CCNT2: variants seen among roughly 807,000 people sequenced by gnomAD.
The protein encoded by CCNT2 is cyclin-T2.
CCNT2 carries 18 observed loss-of-function variants against 70.0 expected under a neutral mutation model. That is an observed-to-expected ratio of 0.26 (90% CI 0.18 to 0.38). The LOEUF (loss-of-function observed/expected upper bound fraction) is 0.38, where lower values mean the gene tolerates loss of function less well. Among genes scored for constraint, CCNT2 ranks in the 10% least tolerant of loss-of-function variants. The pLI is 1.00. For synonymous variants in CCNT2, 334 were observed against 313.3 expected, an observed-to-expected ratio of 1.07 and a Z score of -0.70; for missense variants, 734 against 890.2, an observed-to-expected ratio of 0.82 and a Z score of 2.23.
intron 1 of CCNT2, among the ~76,000 whole-genome samples, 153 bp downstream of exon 1, chr2:134,919,165 G>C (rs1679643469): frequency 1.3e-5 from 2 of 152,238 alleles, no homozygotes. Flanking sequence ...GCAGTCGCGA[G>C]GGGTCAGCAG....
chr2:134,944,571 T>C (rs1681809919), intron 5 of CCNT2: 1 of 973,012 alleles, frequency 1.0e-6, no homozygotes, highest in Admixed American at 6.2e-5. Flanking sequence ...AACTACAAAT[T>C]TGATATGTCA....
chr2:134,944,872 A>T (rs1681837549), intron 5 of CCNT2: 2 of 985,118 alleles, frequency 2.0e-6, no homozygotes, highest in Non-Finnish European at 2.4e-6. Context: ...GAAAACTGCT[A>T]ATGGCATTTT....
intron 7 of CCNT2, among the ~76,000 whole-genome samples, chr2:134,950,083 C>T (rs1682351043): frequency 6.6e-6 from 1 of 152,218 alleles, no homozygotes; most frequent in African/African-American, 2.4e-5. Context: ...TGAACCACCA[C>T]ACCCAGCCAG....
At chr2:134,940,391 T>C (rs1305078600) in intron 4 of CCNT2, among the ~76,000 whole-genome samples, 1 of 151,946 alleles carries the variant, frequency 6.6e-6, no homozygotes, top group East Asian at 1.9e-4. Context: ...ATAAACTATA[T>C]ATAGATATTA....
rs374605031 is a variant in CCNT2, at chr2:134,954,232, G to A, written c.1777G>A (p.Gly593Arg). The A allele has an allele frequency of 2.0e-5, 32 of 1,613,982 alleles. 1 individual carries two copies. The highest frequency in any genetic ancestry group is 1.6e-4 in the Middle Eastern group (1 of 6,084). Residue 593 changes from glycine to arginine, a missense_variant, in exon 9 of 9, where the codon GGA becomes AGA. Coordinates refer to ENST00000264157, the MANE Select transcript of CCNT2 (RefSeq NM_058241.3). Reference protein sequence around the residue: ...SSGGSKHSADGIPPTVLRSPV... With the variant: ...SSGGSKHSADRIPPTVLRSPV... ...CGGTGGCAGTAAACACAGTGCCGAC[G>A]GAATACCACCCACTGTTCTGAGGAG...
intron 7 of CCNT2, among the ~76,000 whole-genome samples, chr2:134,952,291 A>G (rs1413087473): frequency 6.6e-6 from 1 of 152,266 alleles, no homozygotes; most frequent in Middle Eastern, 3.4e-3. Flanking sequence ...TTTGTCCACT[A>G]ATTTTAAAGA....
At chr2:134,925,349 T>C (rs949693388) in intron 2 of CCNT2, among the ~76,000 whole-genome samples, 1 of 152,216 alleles carries the variant, frequency 6.6e-6, no homozygotes, top group Non-Finnish European at 1.5e-5. Flanking sequence ...TTTCACCCAT[T>C]GAAAGTATGA....
Position 134,919,923 on chromosome 2 carries a change from C to G in CCNT2, c.240+32C>G, listed in dbSNP as rs1260466794. The G allele has an allele frequency of 2.8e-6, 4 of 1,453,602 alleles. No homozygotes were observed. In the South Asian group the frequency reaches 4.7e-5, roughly 17 times the overall value. The allele number at this position is 1,453,602 out of a possible 1,614,324, so 90.0% of individuals were successfully genotyped here. On this transcript the variant is annotated intron_variant, in intron 2 of 8. Coordinates refer to ENST00000264157, the MANE Select transcript of CCNT2 (RefSeq NM_058241.3). ...ACTAGTTGTCTGTTTTTACTGTCCG[C>G]AAATTTGAGGGTAAATCGATACGCA...
chr2:134,945,667 A>T (rs1681902891), intron 5 of CCNT2: 4 of 1,229,554 alleles, frequency 3.3e-6, no homozygotes, highest in Admixed American at 6.7e-5. Flanking sequence ...TTTGTTTTTG[A>T]TGGAAGTATT....
intron 5 of CCNT2, chr2:134,945,888 G>C: frequency 6.6e-7 from 1 of 1,515,410 alleles, no homozygotes; most frequent in Non-Finnish European, 8.8e-7. Context: ...TTGTTTCTCA[G>C]ATCTTTGGGG....
intron 4 of CCNT2, among the ~76,000 whole-genome samples, chr2:134,941,856 T>C (rs886095544): frequency 6.6e-6 from 1 of 152,170 alleles, no homozygotes; most frequent in Non-Finnish European, 1.5e-5. Flanking sequence ...TTTAAAGTAT[T>C]CTGCATATTT....
At position 134,954,359 on chromosome 2, in the gene CCNT2, G is replaced by A; in HGVS notation, c.1904G>A (p.Ser635Asn). The A allele has an allele frequency of 6.2e-7, 1 of 1,614,140 alleles. No individual in the cohort carries two copies. Among genetic ancestry groups the A allele is most frequent in the Admixed American group, 1.7e-5 (1 of 60,012 alleles). The part of the protein sequence containing the change: ...DASHNHHSKM[S>N]KSSKSSGSSS... ...TCTCACAACCACCACTCCAAAATGAGCAAAAGTTCCAAAAGTTCAGGTAGT... is the reference window on the plus strand; with the variant it reads ...TCTCACAACCACCACTCCAAAATGAACAAAAGTTCCAAAAGTTCAGGTAGT... Residue 635 changes from serine (S) to asparagine (N), a missense_variant, in exon 9 of 9, where the codon AGC becomes AAC. Physicochemically the swap from Ser to Asn is conservative, Grantham distance 46. Transcript: ENST00000264157.
intron 6 of CCNT2, 139 bp downstream of exon 6, chr2:134,946,285 T>C: frequency 7.9e-7 from 1 of 1,266,930 alleles, no homozygotes; most frequent in Non-Finnish European, 1.1e-6. Flanking sequence ...TCCTGTTTGC[T>C]TTGCGGTGTA....
At chr2:134,919,723 G>A in intron 1 of CCNT2, 87 bp from the exon 2 acceptor site, 2 of 1,059,948 alleles carry the variant, frequency 1.9e-6, no homozygotes, top group Non-Finnish European at 2.8e-6. Context: ...GGGAGGTATT[G>A]GAAAAGAACC....
In CCNT2 at chr2:134,954,093, A is replaced by C; in HGVS notation, c.1638A>C (p.Lys546Asn). ...CTGATGAAGGCAGTGGGAAGAGCAA[A>C]CATTCAAGCCCACATATTAGCAGAG... ...SSSDEGSGKSKHSSPHISRDH... is the reference protein window; with the variant it reads ...SSSDEGSGKSNHSSPHISRDH... Residue 546 changes from lysine (K) to asparagine (N), a missense_variant, in exon 9 of 9, where the codon AAA (lysine) becomes AAC (asparagine). By Grantham distance (94) the Lys-to-Asn change is moderately conservative (BLOSUM62 0). This residue lies in a region of CCNT2 where 532 missense variants were observed against 556.9 expected (regional missense o/e 0.96). Coordinates refer to ENST00000264157, the MANE Select transcript of CCNT2 (RefSeq NM_058241.3). 1 of 1,614,120 alleles carries C rather than the reference A, an allele frequency of 6.2e-7. No homozygotes were observed. The highest frequency in any genetic ancestry group is 8.5e-7 in the Non-Finnish European group (1 of 1,180,034).
At position 134,953,374 on chromosome 2, in the gene CCNT2, T is replaced by C. The variant is rs572470846; in HGVS notation, c.919T>C (p.Ser307Pro). The change falls in exon 9 of 9, where the codon TCA (serine) becomes CCA (proline). Residue 307 changes from serine (S) to proline (P), a missense_variant. Physicochemically the swap from Ser to Pro is moderately conservative, Grantham distance 74. Coordinates refer to ENST00000264157, the MANE Select transcript of CCNT2 (RefSeq NM_058241.3). ...CCCAAGTTTTCAGAAACCATCTACA[T>C]CAGCATTCCCTGCGCCAGTACCTCT... ...TNPSFQKPST[S>P]AFPAPVPLNS... The C allele has an allele frequency of 6.2e-7, 1 of 1,602,254 alleles. No homozygotes were observed. The highest frequency in any genetic ancestry group is 2.3e-5 in the East Asian group (1 of 44,050).
At chr2:134,939,957 G>A (rs1465602090) in intron 4 of CCNT2, among the ~76,000 whole-genome samples, 2 of 152,182 alleles carry the variant, frequency 1.3e-5, no homozygotes, top group Admixed American at 6.5e-5. Context: ...CTAGGATGTG[G>A]TAGGAAGAAC....
chr2:134,944,945 G>A (rs1681843517), intron 5 of CCNT2: 1 of 985,216 alleles, frequency 1.0e-6, no homozygotes. Flanking sequence ...AAATAAATTT[G>A]ATTTCTGTGA....
At chr2:134,947,705 G>C in intron 6 of CCNT2, 31 bp from the exon 7 acceptor site, 1 of 1,389,630 alleles carries the variant, frequency 7.2e-7, no homozygotes, top group South Asian at 2.0e-5. Context: ...AATTTTTATG[G>C]CTCTCCATTT....
Sources: allele counts gnomAD v4.1 joint callset (sites outside exome capture counted in the v4.1 genomes callset), GRCh38; gene constraint gnomAD v4.1.1; regional missense constraint gnomAD v4.1.1; transcripts MANE v1.5; gene names NCBI Gene and HGNC (gene_info 2026-07-23, HGNC 2026-07-21).